The following IDI1 variants were observed in gnomAD, a reference collection of about 807,000 sequenced individuals.
IDI1 encodes the protein isopentenyl-diphosphate delta isomerase 1.
IDI1 carries 23 observed loss-of-function variants against 32.9 expected under a neutral mutation model. The ratio of observed to expected loss-of-function variants is 0.70; its 90% CI spans 0.50 to 0.99. The LOEUF (loss-of-function observed/expected upper bound fraction) is 0.99. Among genes scored for constraint, IDI1 ranks in the 50% least tolerant of loss-of-function variants. The pLI is 0.00. For missense variants in IDI1, 326 were observed against 351.9 expected (o/e 0.93, Z 0.59); for synonymous variants, 133 against 128.2 (o/e 1.04, Z -0.25).
rs1024894276 is a variant in IDI1, at chr10:1,043,605, C to G, written c.314-212G>C. The G allele has an allele frequency of 4.9e-5, 33 of 675,256 alleles. No individual in the cohort carries two copies. The African/African-American group carries it at 5.6e-4, about 12-fold the overall frequency. 41.8% of individuals were successfully genotyped at this position (675,256 alleles called of 1,614,324 possible). ...CCGTCGAGTGAAGGAAATGGTGATG[C>G]TGGTGGCCCCTTTCCGGCAGTCAAG... On this transcript the variant is annotated intron_variant, in intron 2 of 4. Transcript: ENST00000381344.
chr10:1,055,933 C>G, the IDI1 span, among the ~76,000 whole-genome samples: 3 of 152,100 alleles, frequency 2.0e-5, no homozygotes, highest in Non-Finnish European at 1.5e-5. Context: ...CTCAGCCTTC[C>G]GAGTAGCAGG....
chr10:1,048,500 G>A, intron 1 of IDI1: 1 of 1,249,220 alleles, frequency 8.0e-7, no homozygotes, highest in Non-Finnish European at 1.0e-6. Flanking sequence ...GCTTGTTTCT[G>A]AATTCTCTAA....
At chr10:1,050,306 C>A (rs1321719438), upstream of IDI1, among the ~76,000 whole-genome samples, 2 of 152,202 alleles carry the variant, frequency 1.3e-5, no homozygotes, top group East Asian at 3.8e-4. Flanking sequence ...AGATCTCTTT[C>A]ATGTCTGGCT....
chr10:1,053,756 G>A (rs534002142), upstream of IDI1, among the ~76,000 whole-genome samples: 2 of 151,030 alleles, frequency 1.3e-5, no homozygotes, highest in South Asian at 4.2e-4. Flanking sequence ...TTGAGTCAGG[G>A]TCTTGCTTTG....
intron 1 of IDI1, 33 bp downstream of exon 1, chr10:1,048,831 T>C: frequency 1.9e-6 from 3 of 1,593,110 alleles, no homozygotes; most frequent in South Asian, 2.2e-5. Context: ...GCCCTGCCCC[T>C]GTCTCCCGAA....
At position 1,042,746 on chromosome 10, in the gene IDI1, C is replaced by G. The variant is rs777299368; in HGVS notation, c.423G>C (p.Thr141=). ...GATTGCTTAATGGATGACTACAACACGTATTCGTAAAACAACCTGGAAAAT... is the reference window on the plus strand; with the variant it reads ...GATTGCTTAATGGATGACTACAACAGGTATTCGTAAAACAACCTGGAAAAT... ...KITFPGCFTN[T]CCSHPLSNPA... The change falls in exon 4 of 5, where the codon ACG becomes ACC. Residue 141 remains threonine, a synonymous_variant. Transcript: ENST00000381344. 1.5e-5 allele frequency: 25 copies of G among 1,613,550 alleles called. No individual in the cohort carries two copies. Among genetic ancestry groups the G allele is most frequent in the Non-Finnish European group, 2.1e-5 (25 of 1,179,798 alleles).
At chr10:1,050,598 A>C (rs12359250), upstream of IDI1, among the ~76,000 whole-genome samples, 30,545 of 152,222 alleles carry the variant, frequency 0.2, 3,094 homozygotes, top group Non-Finnish European at 0.22. Flanking sequence ...TTATTACTTA[A>C]TTATTCCAGT....
In IDI1 at chr10:1,044,027, A is replaced by G. The variant is rs1832713984; in HGVS notation, c.285T>C (p.Asn95=). The G allele has an allele frequency of 6.8e-6, 11 of 1,612,624 alleles. No homozygotes were observed. Among genetic ancestry groups the G allele is most frequent in the African/African-American group, 5.3e-5 (4 of 74,876 alleles). The change falls in exon 2 of 5, where the codon AAT becomes AAC. Residue 95 remains asparagine, a synonymous_variant. Transcript: ENST00000381344. ...DNKIGAETKK[N]CHLNENIEKG... ...TCTCAATGTTCTCGTTCAGGTGACA[A>G]TTCTTCTTGGTCTCAGCTCCAATTT...
chr10:1,044,715 G>A (rs1832747365), intron 1 of IDI1, among the ~76,000 whole-genome samples: 1 of 152,134 alleles, frequency 6.6e-6, no homozygotes, highest in Admixed American at 6.6e-5. Context: ...ACTTAATCCA[G>A]TTTTTCTCAA....
Position 1,048,901 on chromosome 10 carries a change from G to C in IDI1, c.103C>G (p.Pro35Ala), listed in dbSNP as rs755853598. 1 of 1,606,666 alleles carries C rather than the reference G, an allele frequency of 6.2e-7. No individual in the cohort carries two copies. The highest frequency in any genetic ancestry group is 1.1e-5 in the South Asian group (1 of 90,676). The change falls in exon 1 of 5, where the codon CCG becomes GCG. Residue 35 changes from proline to alanine, a missense_variant. Pro to Ala is a conservative substitution (Grantham distance 27). Around this residue, in one of 2 missense-constraint regions of IDI1, gnomAD observed 121 missense variants for 78.4 expected, o/e 1.54. Coordinates refer to ENST00000381344, the MANE Select transcript of IDI1 (RefSeq NM_004508.4). ...CGGCCACAGACAACCGCCGGTCCCG[G>C]ATGGCGCCCGCTTTGAGCACAGTCT... ...AADCAQSGRH[P>A]GPAVVCGRRL...
At chr10:1,051,613 C>T (rs573620028), upstream of IDI1, among the ~76,000 whole-genome samples, 2 of 152,296 alleles carry the variant, frequency 1.3e-5, no homozygotes, top group East Asian at 1.9e-4. Context: ...GTGCATTTCC[C>T]ATTTTGTTAT....
At chr10:1,052,036 C>A (rs1026524493), upstream of IDI1, among the ~76,000 whole-genome samples, 14 of 152,148 alleles carry the variant, frequency 9.2e-5, no homozygotes, top group African/African-American at 3.4e-4. Flanking sequence ...CCATGCCCGG[C>A]TAATTTTTGT....
the IDI1 span, among the ~76,000 whole-genome samples, chr10:1,056,037 A>G: frequency 2.8e-3 from 426 of 152,094 alleles, no homozygotes; most frequent in Non-Finnish European, 4.4e-3. Context: ...TCGACCTCCT[A>G]ATCTCGTGAT....
At chr10:1,042,336 C>T (rs1832626016) in intron 4 of IDI1, among the ~76,000 whole-genome samples, 1 of 152,054 alleles carries the variant, frequency 6.6e-6, no homozygotes, top group Admixed American at 6.5e-5. Flanking sequence ...CAGTTAAATT[C>T]TACAAGAGCT....
chr10:1,053,792 T>C (rs1310898385), upstream of IDI1, among the ~76,000 whole-genome samples: 3 of 151,768 alleles, frequency 2.0e-5, no homozygotes, highest in African/African-American at 7.3e-5. Flanking sequence ...TGCAGTGGCG[T>C]GATCACAGCT....
chr10:1,043,105 G>A (rs1202198271), intron 3 of IDI1, among the ~76,000 whole-genome samples, 196 bp downstream of exon 3: 3 of 152,140 alleles, frequency 2.0e-5, no homozygotes, highest in African/African-American at 7.2e-5. Context: ...TATACATATT[G>A]CCCAATTGCT....
intron 2 of IDI1, 129 bp downstream of exon 2, chr10:1,043,870 A>C (rs1832706725): frequency 1.4e-5 from 11 of 761,336 alleles, no homozygotes; most frequent in Non-Finnish European, 2.4e-5. Flanking sequence ...ACACTATTTA[A>C]CGAACTGGAA....
upstream of IDI1, among the ~76,000 whole-genome samples, chr10:1,050,924 A>T (rs1832993875): frequency 6.6e-6 from 1 of 152,206 alleles, no homozygotes; most frequent in African/African-American, 2.4e-5. Flanking sequence ...GAAAATTGAG[A>T]AGTATTTTTT....
At chr10:1,056,273 A>G in the IDI1 span, 3 of 152,368 alleles carry the variant, frequency 2.0e-5, no homozygotes, top group South Asian at 6.2e-4. Context: ...GACGTTTCCA[A>G]CCTAGATTCT....
Sources: gnomAD v4.1 joint callset for allele counts (sites outside exome capture counted in the v4.1 genomes callset) on GRCh38, gnomAD v4.1.1 for gene constraint, gnomAD v4.1.1 regional missense constraint, MANE v1.5 for transcripts, NCBI Gene and HGNC (gene_info 2026-07-23, HGNC 2026-07-21) for gene names.